Variants in CDK12 observed in about 807,000 individuals in gnomAD.
CDK12 encodes cyclin dependent kinase 12.
Under a neutral mutation model 133.8 loss-of-function variants are expected in CDK12, and 17 were observed. The ratio of observed to expected loss-of-function variants is 0.13; its 90% CI spans 0.09 to 0.19. The LOEUF is 0.19. Ranked by LOEUF, CDK12 falls within the 10% of genes least tolerant of loss-of-function variation. CDK12 has a pLI of 1.00. For synonymous variants in CDK12, 694 were observed against 683.6 expected, an observed-to-expected ratio of 1.02 and a Z score of -0.24; for missense variants, 1,508 against 1,818.7, an observed-to-expected ratio of 0.83 and a Z score of 3.11.
intron 2 of CDK12, among the ~76,000 whole-genome samples, chr17:39,479,620 GTTTTGTT>G (rs1007190149): frequency 2.0e-5 from 3 of 151,362 alleles, no homozygotes; most frequent in Non-Finnish European, 4.4e-5. Flanking sequence ...TTTTTGTTTT[GTTTTGTT>G]TTTTGTTTTT....
In CDK12 at chr17:39,531,021, G is replaced by A. The variant is rs1217754901; in HGVS notation, c.4178G>A (p.Gly1393Glu). ...LGESSSYQGTGSVQFPGDQDL... is the reference protein window; with the variant it reads ...LGESSSYQGTESVQFPGDQDL... ...GAGTCCAGCAGTTACCAGGGCACAG[G>A]GTCAGTGCAGTTTCCAGGGGACCAG... The change falls in exon 14 of 14, where the codon GGG becomes GAG. Residue 1393 changes from glycine (G) to glutamate (E), a missense_variant. Around this residue, in one of 9 missense-constraint regions of CDK12, gnomAD observed 7 missense variants for 21.7 expected, o/e 0.32. Coordinates refer to ENST00000447079, the MANE Select transcript of CDK12 (RefSeq NM_016507.4). 2 of 1,613,928 alleles carry A rather than the reference G, an allele frequency of 1.2e-6. No homozygotes were observed. The highest frequency in any genetic ancestry group is 1.7e-5 in the Admixed American group (1 of 59,992).
intron 2 of CDK12, 146 bp from the exon 3 acceptor site, chr17:39,490,410 TA>T (rs2051495165): frequency 5.5e-6 from 3 of 541,950 alleles, no homozygotes; most frequent in African/African-American, 1.9e-5. Context: ...TGTGATTAAT[TA>T]TTTTTTTTTA....
Position 39,461,894 on chromosome 17 carries a change from TG to T in CDK12, c.-177del. ...CCTCGCTCCTTCACCCCCCACCTCA[TG>T]TAGAAGGGTGCTGAGGCGTCGGGAG... On this transcript the variant is annotated 5_prime_UTR_variant, in exon 1 of 14. It removes an upstream start codon present in the reference 5' UTR. Coordinates refer to ENST00000447079, the MANE Select transcript of CDK12 (RefSeq NM_016507.4). The T allele has an allele frequency of 1.7e-6, 1 of 604,546 alleles. No homozygotes were observed. Among genetic ancestry groups the T allele is most frequent in the South Asian group, 2.0e-5 (1 of 49,240 alleles). The allele number at this position is 604,546 out of a possible 1,614,324, so 37.4% of individuals were successfully genotyped here. A position where few individuals can be genotyped will look rare whatever the true frequency, so the allele number is the denominator to read the frequency against.
intron 2 of CDK12, among the ~76,000 whole-genome samples, chr17:39,475,201 G>A (rs1462819694): frequency 1.3e-5 from 2 of 152,098 alleles, no homozygotes; most frequent in African/African-American, 4.8e-5. Flanking sequence ...TATGGACTGA[G>A]CTTTGTGGAT....
At chr17:39,502,767 G>C (rs2052815339) in intron 6 of CDK12, among the ~76,000 whole-genome samples, 1 of 152,118 alleles carries the variant, frequency 6.6e-6, no homozygotes, top group Non-Finnish European at 1.5e-5. Flanking sequence ...GTGGGTGGGT[G>C]ATCAAATTTC....
chr17:39,521,993 C>T (rs2054203664), intron 11 of CDK12, among the ~76,000 whole-genome samples: 1 of 152,072 alleles, frequency 6.6e-6, no homozygotes, highest in Non-Finnish European at 1.5e-5. Flanking sequence ...GAGACACATG[C>T]TTGGCCTCCC....
rs2054892179 is a variant in CDK12, at chr17:39,532,109, TC to T, written c.*794del. On this transcript the variant is annotated 3_prime_UTR_variant, in exon 14 of 14. Coordinates refer to ENST00000447079, the MANE Select transcript of CDK12 (RefSeq NM_016507.4). ...TGTGCTCTCTCTCTCTCTTTCTCTCTCTCTCTCTCTCTCTCTCTCTCTCTCT... is the reference window on the plus strand; with the variant it reads ...TGTGCTCTCTCTCTCTCTTTCTCTCTTCTCTCTCTCTCTCTCTCTCTCTCT... 6 of 40,274 alleles carry T rather than the reference TC, an allele frequency of 1.5e-4. No homozygotes were observed. Among genetic ancestry groups the T allele is most frequent in the East Asian group, 6.3e-4 (1 of 1,586 alleles). 2.5% of individuals were successfully genotyped at this position (40,274 alleles called of 1,614,324 possible).
At chr17:39,554,800 G>T (rs575712409) in intron 2 of CDK12, among the ~76,000 whole-genome samples, 1 of 149,470 alleles carries the variant, frequency 6.7e-6, no homozygotes, top group South Asian at 2.1e-4. Context: ...AATCGCTTGA[G>T]CCCGGGAGGC....
Position 39,526,043 on chromosome 17 carries a change from G to T in CDK12, c.3487G>T (p.Ala1163Ser). ...LNQSISALTE[A>S]TSQQQDSETM... is the part of the protein sequence containing the mutation. The stretch of plus-strand genomic sequence containing the variant: ...CCAATCCATCAGTGCCCTGACGGAA[G>T]CTACTTCCCAGCAGCAGGACTCAGA... Residue 1163 changes from alanine (A) to serine (S), a missense_variant, in exon 13 of 14, where the codon GCT (alanine) becomes TCT (serine). By Grantham distance (99) the Ala-to-Ser change is moderately conservative (BLOSUM62 1). Coordinates refer to ENST00000447079, the MANE Select transcript of CDK12 (RefSeq NM_016507.4). 1 of 1,614,214 alleles carries T rather than the reference G, an allele frequency of 6.2e-7. No individual in the cohort carries two copies. Among genetic ancestry groups the T allele is most frequent in the South Asian group, 1.1e-5 (1 of 91,084 alleles).
At chr17:39,562,257 T>C (rs564690359) in intron 3 of CDK12, among the ~76,000 whole-genome samples, 1 of 152,298 alleles carries the variant, frequency 6.6e-6, no homozygotes, top group African/African-American at 2.4e-5. Context: ...AAGAATTATA[T>C]AGGCACCACA....
chr17:39,473,508 G>A (rs1285257973), intron 2 of CDK12, among the ~76,000 whole-genome samples: 2 of 152,110 alleles, frequency 1.3e-5, no homozygotes, highest in African/African-American at 4.8e-5. Flanking sequence ...CTGGAAAGCC[G>A]AGGTAGATAA....
chr17:39,463,961 T>C (rs1253468901), intron 1 of CDK12, among the ~76,000 whole-genome samples: 2 of 152,238 alleles, frequency 1.3e-5, no homozygotes, highest in Middle Eastern at 3.4e-3. Context: ...AAAAACAGAA[T>C]GTGGGCTTTA....
intron 2 of CDK12, among the ~76,000 whole-genome samples, chr17:39,488,281 A>G (rs1316584296): frequency 6.6e-6 from 1 of 152,020 alleles, no homozygotes; most frequent in East Asian, 1.9e-4. Flanking sequence ...TATTCCTGGA[A>G]ACCTATCTTT....
chr17:39,517,635 T>C, intron 10 of CDK12, 79 bp downstream of exon 10: 1 of 802,482 alleles, frequency 1.2e-6, no homozygotes, highest in Non-Finnish European at 2.1e-6. Context: ...TCTGGGTAGT[T>C]AATGTTGTCC....
At chr17:39,562,902 C>CTTTTTTTTTTTTTTTTTTTT (rs59852699) in intron 3 of CDK12, among the ~76,000 whole-genome samples, 3 of 92,364 alleles carry the variant, frequency 3.2e-5, no homozygotes, top group Admixed American at 1.3e-4. Context: ...TTTTTCTTTT[C>CTTTTTTTTTTTTTTTTTTTT]TTTTTTTTTT....
chr17:39,542,846 G>A (rs1385799935), upstream of CDK12, among the ~76,000 whole-genome samples: 5 of 152,198 alleles, frequency 3.3e-5, no homozygotes, highest in Non-Finnish European at 2.9e-5. Flanking sequence ...GATTATACAA[G>A]TGTAATTTTT....
At chr17:39,521,431 T>A (rs10775391) in intron 11 of CDK12, among the ~76,000 whole-genome samples, 92,049 of 151,560 alleles carry the variant, frequency 0.61, 31,563 homozygotes, top group South Asian at 0.88. Flanking sequence ...CCCGGCTAAT[T>A]TTTGTATTTT....
rs2054826160 is a variant in CDK12, at chr17:39,531,231, C to T, written c.4388C>T (p.Thr1463Ile). The T allele has an allele frequency of 2.0e-6, 3 of 1,516,106 alleles. No homozygotes were observed. Among genetic ancestry groups the T allele is most frequent in the Non-Finnish European group, 2.6e-6 (3 of 1,134,452 alleles). The allele number at this position is 1,516,106 out of a possible 1,614,324, so 93.9% of individuals were successfully genotyped here. ...SGAGLHWGGP[T>I]QSSAYGKLYR... The stretch of plus-strand genomic sequence containing the variant: ...GCAGGCCTTCACTGGGGGGGCCCAA[C>T]TCAGTCTTCTGCTTATGGAAAACTC... Residue 1463 changes from threonine (T) to isoleucine (I), a missense_variant, in exon 14 of 14, where the codon ACT becomes ATT. Physicochemically the swap from Thr to Ile is moderately conservative, Grantham distance 89 (BLOSUM62 -1). Transcript: ENST00000447079.
intron 11 of CDK12, among the ~76,000 whole-genome samples, 154 bp from the exon 12 acceptor site, chr17:39,524,520 G>A (rs2054376861): frequency 6.6e-6 from 1 of 152,158 alleles, no homozygotes; most frequent in Admixed American, 6.5e-5. Flanking sequence ...TTACACTGCT[G>A]TTACCTACTT....
Sources: gnomAD v4.1 joint callset for allele counts (sites outside exome capture counted in the v4.1 genomes callset) on GRCh38, gnomAD v4.1.1 for gene constraint, gnomAD v4.1.1 regional missense constraint, MANE v1.5 for transcripts, NCBI Gene and HGNC (gene_info 2026-07-23, HGNC 2026-07-21) for gene names.